CDKN2A: variants seen among roughly 807,000 people sequenced by gnomAD.
CDKN2A encodes the protein cyclin-dependent kinase inhibitor 2A.
Under a neutral mutation model 11.1 loss-of-function variants are expected in CDKN2A, and 3 were observed. That is an observed-to-expected ratio of 0.27 (90% CI 0.12 to 0.70). The LOEUF (loss-of-function observed/expected upper bound fraction) is 0.70, where lower values mean the gene tolerates loss of function less well. CDKN2A is among the 30% of genes least tolerant of loss of function. CDKN2A has a pLI of 0.77. For synonymous variants in CDKN2A, 122 were observed against 108.1 expected, an observed-to-expected ratio of 1.13 and a Z score of -0.80; for missense variants, 265 against 233.6, an observed-to-expected ratio of 1.13 and a Z score of -0.88.
At chr9:21,971,301 CCCA>C in intron 1 of CDKN2A, 93 bp from the exon 2 acceptor site, 2 of 1,534,490 alleles carry the variant, frequency 1.3e-6, no homozygotes, top group Non-Finnish European at 8.7e-7. Context: ...CAAGCAGACC[CCCA>C]CACAAGCCCC....
Position 21,995,062 on chromosome 9 carries a change from C to A in CDKN2A, c.-417G>T, listed in dbSNP as rs1820581537. ...TCCTCTTCTAGATTTGGAAAACAAG[C>A]GAAATTAAACTAAACCGCTGCACGC... On this transcript the variant is annotated 5_prime_UTR_variant, in exon 1 of 4. Coordinates refer to the CDKN2A transcript ENST00000494262. The surrounding 1 kb of genome is among the most constrained non-coding windows in gnomAD (Gnocchi z 5.7). 1 of 152,168 alleles carries A rather than the reference C, an allele frequency of 6.6e-6. No individual in the cohort carries two copies. The highest frequency in any genetic ancestry group is 2.4e-5 in the African/African-American group (1 of 41,450). 9.4% of individuals were successfully genotyped at this position (152,168 alleles called of 1,614,324 possible).
chr9:21,994,413 C>T (rs771139743), intron 1 of CDKN2A: 2 of 1,605,516 alleles, frequency 1.2e-6, no homozygotes, highest in South Asian at 1.1e-5. Context: ...ACTCCTGCCC[C>T]CTTAACTGCA....
rs748477156 is a variant in CDKN2A at position 21,968,412 on chromosome 9, T to C, written c.458-170A>G. ...CCGCCACCGCTCTCCCACACCTCCC[T>C]GGTCCAGCAGCTAGTCCACTGCCCG... On this transcript the variant is annotated intron_variant, in intron 2 of 2. Transcript: ENST00000304494. The surrounding 1 kb of genome is among the most constrained non-coding windows in gnomAD (Gnocchi z 4.7). 35 of 979,228 alleles carry C rather than the reference T, an allele frequency of 3.6e-5. No homozygotes were observed. Among genetic ancestry groups the C allele is most frequent in the Non-Finnish European group, 4.1e-5 (34 of 824,304 alleles). The allele number at this position is 979,228 out of a possible 1,614,324, so 60.7% of individuals were successfully genotyped here. A position where few individuals can be genotyped will look rare whatever the true frequency, so the allele number is the denominator to read the frequency against.
At position 21,971,063 on chromosome 9, in the gene CDKN2A, C is replaced by T. The variant is rs754806883; in HGVS notation, c.296G>A (p.Arg99Gln). The change falls in exon 2 of 3, where the codon CGG becomes CAG. Residue 99 changes from arginine to glutamine, a missense_variant. Coordinates refer to ENST00000304494, the MANE Select transcript of CDKN2A (RefSeq NM_000077.5). ...GFLDTLVVLH[R>Q]AGARLDVRDA... ...GCGCACGTCCAGCCGCGCCCCGGCC[C>T]GGTGCAGCACCACCAGCGTGTCCAG... 4 of 1,605,378 alleles carry T rather than the reference C, an allele frequency of 2.5e-6. No individual in the cohort carries two copies. The highest frequency in any genetic ancestry group is 3.3e-5 in the Admixed American group (2 of 59,940).
intron 2 of CDKN2A, chr9:21,989,712 A>G (rs886801850): frequency 3.9e-5 from 6 of 152,188 alleles, no homozygotes; most frequent in Admixed American, 3.9e-4. Context: ...GCCTTCTGTC[A>G]TGTCCTGCCT....
chr9:21,974,259 T>C lies in CDKN2A; in HGVS notation c.150+419A>G. ...TCCAACATACACCACAGATTTCCACTGATAATCCCTCCTAGTAAGAAAGAT... is the reference window on the plus strand; with the variant it reads ...TCCAACATACACCACAGATTTCCACCGATAATCCCTCCTAGTAAGAAAGAT... On this transcript the variant is annotated intron_variant, in intron 1 of 2. Coordinates refer to ENST00000304494, the MANE Select transcript of CDKN2A (RefSeq NM_000077.5). The surrounding 1 kb of genome is among the most constrained non-coding windows in gnomAD (Gnocchi z 5.2). 1.8e-6 allele frequency: 1 copy of C among 546,236 alleles called. No homozygotes were observed. The highest frequency in any genetic ancestry group is 3.0e-6 in the Non-Finnish European group (1 of 335,216). 33.8% of individuals were successfully genotyped at this position (546,236 alleles called of 1,614,324 possible).
chr9:21,990,694 T>C (rs1587354747), intron 2 of CDKN2A, among the ~76,000 whole-genome samples: 1 of 145,550 alleles, frequency 6.9e-6, no homozygotes, highest in Non-Finnish European at 1.5e-5. Context: ...AAACCTGACT[T>C]TATAATGCAA....
At chr9:21,969,361 T>C (rs911266833) in intron 2 of CDKN2A, among the ~76,000 whole-genome samples, 2 of 152,038 alleles carry the variant, frequency 1.3e-5, no homozygotes, top group African/African-American at 4.8e-5. Context: ...GCACTCCAGG[T>C]TGGGCAACAG....
chr9:21,975,043 C>A (rs1819982258), upstream of CDKN2A: 5 of 1,364,816 alleles, frequency 3.7e-6, no homozygotes, highest in East Asian at 2.9e-5. Flanking sequence ...GGAGGAGGTG[C>A]TATTAACTCC....
intron 2 of CDKN2A, among the ~76,000 whole-genome samples, chr9:21,987,219 T>C (rs185533842): frequency 1.4e-4 from 22 of 152,170 alleles, no homozygotes; most frequent in African/African-American, 4.8e-4. Flanking sequence ...ATTTTGTCCA[T>C]AAATGCTTTA....
rs1189825161 is a variant in CDKN2A at position 21,968,579 on chromosome 9, C to A, written c.458-337G>T. ...TGAGTCTCAGTGGTTGCTCACAATG[C>A]CAGGCGCGAAGGCGTGAAGATGTGG... On this transcript the variant is annotated intron_variant, in intron 2 of 2. Transcript: ENST00000304494. This position sits in a 1 kb window ranked among gnomAD's most constrained non-coding sequence, Gnocchi z 4.7. The A allele has an allele frequency of 4.1e-6, 6 of 1,467,856 alleles. No individual in the cohort carries two copies. In the Admixed American group the frequency reaches 1.5e-4, roughly 36 times the overall value. The allele number at this position is 1,467,856 out of a possible 1,614,324, so 90.9% of individuals were successfully genotyped here.
chr9:21,991,761 C>A lies in CDKN2A; in HGVS notation c.-4+2121G>T. The A allele has an allele frequency of 1.0e-6, 1 of 985,080 alleles. No individual in the cohort carries two copies. The highest frequency in any genetic ancestry group is 4.7e-5 in the South Asian group (1 of 21,274). The allele number at this position is 985,080 out of a possible 1,614,324, so 61.0% of individuals were successfully genotyped here. On this transcript the variant is annotated intron_variant, in intron 2 of 3. Coordinates refer to the CDKN2A transcript ENST00000494262. This position sits in a 1 kb window ranked among gnomAD's most constrained non-coding sequence, Gnocchi z 5.2. ...ATGGACTTTCTAAAATTCAAGAGTA[C>A]TCAAAGAAGTAAAATGAATATAAGT...
At position 21,974,580 on chromosome 9, in the gene CDKN2A, C is replaced by T. The variant is rs2131110572; in HGVS notation, c.150+98G>A. On this transcript the variant is annotated intron_variant, in intron 1 of 2. Transcript: ENST00000304494. This position sits in a 1 kb window ranked among gnomAD's most constrained non-coding sequence, Gnocchi z 5.2. ...CTCCCCAGGAAGCCTCCCCTTTTTC[C>T]GGAGAATCGAAGCGCTACCTGATTC... The T allele has an allele frequency of 6.2e-7, 1 of 1,613,832 alleles. No homozygotes were observed. The highest frequency in any genetic ancestry group is 2.2e-5 in the East Asian group (1 of 44,876).
At chr9:21,993,979 C>T (rs1397163671) in exon 2 of CDKN2A, 5 of 782,078 alleles carry the variant, frequency 6.4e-6, no homozygotes, top group Non-Finnish European at 8.6e-6. Flanking sequence ...ACTGCGAGAA[C>T]CACATGTCTA....
rs1307222738 is a variant in CDKN2A at position 21,987,425 on chromosome 9, A to ACG, written c.-4+6456_-4+6457insCG. ...CACACACACACACACACACACACACACACACACAGAGAGAGAGAGAGAGAG... is the reference window on the plus strand; with the variant it reads ...CACACACACACACACACACACACACACGCACACACAGAGAGAGAGAGAGAGAG... On this transcript the variant is annotated intron_variant, in intron 2 of 3. Coordinates refer to the CDKN2A transcript ENST00000494262. Among the ~76,000 whole-genome samples the ACG allele has an allele frequency of 4.1e-5, 5 of 121,512 alleles. No homozygotes were observed. In the East Asian group the frequency reaches 1.5e-3, roughly 36 times the overall value. The allele number at this position is 121,512 out of a possible 152,430, so 79.7% of individuals were successfully genotyped here.
chr9:21,971,490 TGA>T, intron 1 of CDKN2A: 1 of 650,426 alleles, frequency 1.5e-6, no homozygotes, highest in Non-Finnish European at 2.4e-6. Context: ...AGGGACAGAC[TGA>T]CTTTTACTCC....
rs1819542808 is a variant in CDKN2A at position 21,968,834 on chromosome 9, G to C, written c.458-592C>G. On this transcript the variant is annotated intron_variant, in intron 2 of 2. Coordinates refer to ENST00000304494, the MANE Select transcript of CDKN2A (RefSeq NM_000077.5). The surrounding 1 kb of genome is among the most constrained non-coding windows in gnomAD (Gnocchi z 4.7). The stretch of plus-strand genomic sequence containing the variant: ...GGCTTCTGCCTTCCTCTCTAATCTC[G>C]TTGCGTATGGGCTCCAGCTCGCCGT... 6.7e-7 allele frequency: 1 copy of C among 1,485,218 alleles called. No individual in the cohort carries two copies. Among genetic ancestry groups the C allele is most frequent in the Non-Finnish European group, 9.1e-7 (1 of 1,100,838 alleles). The allele number at this position is 1,485,218 out of a possible 1,614,324, so 92.0% of individuals were successfully genotyped here. A position where few individuals can be genotyped will look rare whatever the true frequency, so the allele number is the denominator to read the frequency against.
intron 2 of CDKN2A, among the ~76,000 whole-genome samples, chr9:21,987,205 C>A (rs566591724): frequency 1.3e-5 from 2 of 151,870 alleles, no homozygotes; most frequent in South Asian, 4.2e-4. Flanking sequence ...CATAAAGACC[C>A]ATCATTTTGT....
At chr9:21,990,651 A>AGAGAGAGAGAGGGAGAGAG (rs1464228871) in intron 2 of CDKN2A, among the ~76,000 whole-genome samples, 1 of 147,756 alleles carries the variant, frequency 6.8e-6, no homozygotes, top group East Asian at 2.0e-4. Context: ...AGAGAGAGAG[A>AGAGAGAGAGAGGGAGAGAG]AACTGTTTAC....
Sources: gnomAD v4.1 joint callset for allele counts (sites outside exome capture counted in the v4.1 genomes callset) on GRCh38, gnomAD v4.1.1 for gene constraint, Gnocchi (gnomAD v3.1) non-coding constraint, MANE v1.5 for transcripts, NCBI Gene and HGNC (gene_info 2026-07-23, HGNC 2026-07-21) for gene names.